Variants in BAIAP2 observed in about 807,000 individuals in gnomAD.
BAIAP2 encodes the protein BAR/IMD domain containing adaptor protein 2, also known as BAR/IMD domain-containing adapter protein 2.
Under a neutral mutation model 63.0 loss-of-function variants are expected in BAIAP2, and 18 were observed. That is an observed-to-expected ratio of 0.29 (90% CI 0.20 to 0.42). The LOEUF (loss-of-function observed/expected upper bound fraction) is 0.42. BAIAP2 is among the 10% of genes least tolerant of loss of function. BAIAP2 has a pLI of 1.00. For synonymous variants in BAIAP2, 386 were observed against 307.6 expected (o/e 1.25, Z -2.67); for missense variants, 610 against 734.3 (o/e 0.83, Z 1.96).
At chr17:81,089,897 G>A (rs956312642) in intron 6 of BAIAP2, among the ~76,000 whole-genome samples, 1 of 152,168 alleles carries the variant, frequency 6.6e-6, no homozygotes, top group Non-Finnish European at 1.5e-5. Context: ...CCCTTGGAAA[G>A]GCCTCTGCCA....
In BAIAP2 at chr17:81,046,593, G is replaced by A. The variant is rs1022774638; in HGVS notation, c.55-7075G>A. On this transcript the variant is annotated intron_variant, in intron 1 of 13. Coordinates refer to ENST00000428708, the MANE Select transcript of BAIAP2 (RefSeq NM_001144888.2). The surrounding 1 kb of genome is among the most constrained non-coding windows in gnomAD (Gnocchi z 4.5). ...CCCTGGAGGACGCTGCCACCTTCCC[G>A]ATGCTCTCTGCCCACAGAAGTCCCC... 6.6e-6 allele frequency among the ~76,000 whole-genome samples: 1 copy of A among 151,924 alleles called. No individual in the cohort carries two copies. The highest frequency in any genetic ancestry group is 2.4e-5 in the African/African-American group (1 of 41,342).
At chr17:81,105,811 C>T (rs1173407735) in intron 10 of BAIAP2, 3 of 408,684 alleles carry the variant, frequency 7.3e-6, no homozygotes, top group South Asian at 5.4e-5. Flanking sequence ...ACTGCTCTGC[C>T]CGGGCTCTGG....
chr17:81,104,740 C>T (rs762669300), intron 10 of BAIAP2, 25 bp downstream of exon 10: 2 of 1,539,814 alleles, frequency 1.3e-6, no homozygotes, highest in South Asian at 1.2e-5. Context: ...GGGGCGGGCT[C>T]CAGGCAGCCG....
In BAIAP2 at chr17:81,035,311, G is replaced by C. The variant is rs761184313; in HGVS notation, c.54+3G>C. ...GGCTCACGGAAAATGTCTATAAGGT[G>C]AGCGCCCCCCGGCGCCGAGCTGAGC... On this transcript the variant is annotated splice_donor_region_variant and intron_variant, in intron 1 of 13. Transcript: ENST00000428708. The C allele has an allele frequency of 5.5e-6, 8 of 1,457,968 alleles. No individual in the cohort carries two copies. The Admixed American group carries it at 1.7e-4, about 31-fold the overall frequency. 90.3% of individuals were successfully genotyped at this position (1,457,968 alleles called of 1,614,324 possible).
intron 6 of BAIAP2, chr17:81,098,229 A>G: frequency 7.8e-7 from 1 of 1,289,436 alleles, no homozygotes; most frequent in Non-Finnish European, 9.9e-7. Context: ...ACCCATGGGC[A>G]GGCTGGGAGG....
At chr17:81,103,060 A>T (rs2058705477) in intron 7 of BAIAP2, among the ~76,000 whole-genome samples, 1 of 151,870 alleles carries the variant, frequency 6.6e-6, no homozygotes, top group South Asian at 2.1e-4. Flanking sequence ...AGTGAGCCTC[A>T]GTGTGTCTGA....
At chr17:81,093,452 G>A (rs2057131516) in intron 6 of BAIAP2, among the ~76,000 whole-genome samples, 1 of 152,146 alleles carries the variant, frequency 6.6e-6, no homozygotes, top group Admixed American at 6.5e-5. Context: ...TTCCCTTTCT[G>A]AGATGATGGG....
In BAIAP2 at chr17:81,072,701, C is replaced by T. The variant is rs143871580; in HGVS notation, c.218-12131C>T. Among the ~76,000 whole-genome samples the T allele has an allele frequency of 1.9e-3, 285 of 152,248 alleles. 6 individuals carry two copies. In the East Asian group the frequency reaches 0.046, roughly 25 times the overall value. The stretch of plus-strand genomic sequence containing the variant: ...GCCTCCCACTCTGAGCACAGGCGGG[C>T]GGACGCTGTCTGGCAGGCTCTGCCT... On this transcript the variant is annotated intron_variant, in intron 3 of 13. Coordinates refer to ENST00000428708, the MANE Select transcript of BAIAP2 (RefSeq NM_001144888.2).
Position 81,090,207 on chromosome 17 carries a change from G to A in BAIAP2, c.489+3627G>A, listed in dbSNP as rs1012438691. On this transcript the variant is annotated intron_variant, in intron 6 of 13. Coordinates refer to ENST00000428708, the MANE Select transcript of BAIAP2 (RefSeq NM_001144888.2). ...GGTCATGTGGCCGCAGCAAGCCCCAGAGCTTCTCTGAGCCTCAGTTTCCCC... is the reference window on the plus strand; with the variant it reads ...GGTCATGTGGCCGCAGCAAGCCCCAAAGCTTCTCTGAGCCTCAGTTTCCCC... Among the ~76,000 whole-genome samples, 6 of 152,318 alleles carry A rather than the reference G, an allele frequency of 3.9e-5. No individual in the cohort carries two copies. In the East Asian group the frequency reaches 9.7e-4, roughly 25 times the overall value.
chr17:81,050,202 C>T (rs116232474), intron 1 of BAIAP2, among the ~76,000 whole-genome samples: 118 of 152,334 alleles, frequency 7.7e-4, no homozygotes, highest in African/African-American at 2.7e-3. Flanking sequence ...TCCGCCCGCC[C>T]GGGAAGGGGA....
At chr17:81,103,021 C>T (rs1043919718) in intron 7 of BAIAP2, among the ~76,000 whole-genome samples, 4 of 152,364 alleles carry the variant, frequency 2.6e-5, no homozygotes, top group Admixed American at 6.5e-5. Flanking sequence ...GGAGCGCGGG[C>T]TCTTGGGCCC....
At chr17:81,064,244 G>A (rs2051076883) in intron 3 of BAIAP2, among the ~76,000 whole-genome samples, 1 of 152,236 alleles carries the variant, frequency 6.6e-6, no homozygotes, top group Non-Finnish European at 1.5e-5. Flanking sequence ...TAGTCCTGTG[G>A]GTCTCTCTGT....
chr17:81,038,902 G>GAA (rs1568054030), intron 1 of BAIAP2, among the ~76,000 whole-genome samples: 4 of 151,380 alleles, frequency 2.6e-5, no homozygotes, highest in Non-Finnish European at 4.4e-5. Context: ...TTCCTGGGTG[G>GAA]GGGGGGCAGC....
intron 1 of BAIAP2, among the ~76,000 whole-genome samples, chr17:81,042,142 C>T (rs8067935): frequency 5.5e-5 from 6 of 109,754 alleles, no homozygotes; most frequent in Non-Finnish European, 1.1e-4. Flanking sequence ...TTTCTTTTTT[C>T]TTTTTTTTTT....
intron 3 of BAIAP2, among the ~76,000 whole-genome samples, chr17:81,073,734 CGTT>C (rs1240652548): frequency 2.6e-5 from 4 of 152,226 alleles, no homozygotes; most frequent in East Asian, 3.9e-4. Context: ...TATAAGAACA[CGTT>C]GTATTTTCTG....
chr17:81,036,032 C>T (rs1052734301), intron 1 of BAIAP2: 1 of 152,252 alleles, frequency 6.6e-6, no homozygotes, highest in African/African-American at 2.4e-5. Context: ...AGAGTGGCAT[C>T]CACGTTCTCG....
intron 10 of BAIAP2, chr17:81,105,729 T>G (rs2059108122): frequency 4.2e-6 from 1 of 240,724 alleles, no homozygotes; most frequent in Non-Finnish European, 8.3e-6. Context: ...GCTCCATCTT[T>G]CTTCCAGTGG....
chr17:81,070,104 G>A (rs1017916056), intron 3 of BAIAP2, among the ~76,000 whole-genome samples: 4 of 152,168 alleles, frequency 2.6e-5, no homozygotes, highest in Non-Finnish European at 5.9e-5. Flanking sequence ...GACTACAGGT[G>A]TGTGCTGTCA....
intron 1 of BAIAP2, 122 bp from the exon 2 acceptor site, chr17:81,053,546 A>G: frequency 2.0e-6 from 2 of 994,528 alleles, no homozygotes; most frequent in Non-Finnish European, 3.1e-6. Context: ...CACCTTGAGC[A>G]TTTGTGGTGT....
Sources: gnomAD v4.1 joint callset for allele counts (sites outside exome capture counted in the v4.1 genomes callset) on GRCh38, gnomAD v4.1.1 for gene constraint, Gnocchi (gnomAD v3.1) non-coding constraint, MANE v1.5 for transcripts, NCBI Gene and HGNC (gene_info 2026-07-23, HGNC 2026-07-21) for gene names.